The following CCT4 variants were observed in gnomAD, a reference collection of about 807,000 sequenced individuals.
CCT4 encodes the protein chaperonin containing TCP1 subunit 4, also known as T-complex protein 1 subunit delta.
Under a neutral mutation model 62.5 loss-of-function variants are expected in CCT4, and 17 were observed. The ratio of observed to expected loss-of-function variants is 0.27; its 90% confidence interval spans 0.19 to 0.41. The LOEUF (loss-of-function observed/expected upper bound fraction) is 0.41, where lower values mean the gene tolerates loss of function less well. Ranked by LOEUF, CCT4 falls within the 10% of genes least tolerant of loss-of-function variation. CCT4 has a pLI of 1.00. For synonymous variants in CCT4, 250 were observed against 229.9 expected (o/e 1.09, Z -0.79); for missense variants, 592 against 659.2 (o/e 0.90, Z 1.12).
intron 1 of CCT4, 131 bp downstream of exon 1, chr2:61,888,250 G>A: frequency 8.9e-7 from 1 of 1,117,662 alleles, no homozygotes; most frequent in East Asian, 2.7e-5. Context: ...CCCTCCACTG[G>A]GCTGCTTCTA....
chr2:61,876,716 G>A (rs1669009172), intron 7 of CCT4, among the ~76,000 whole-genome samples: 2 of 152,128 alleles, frequency 1.3e-5, no homozygotes, highest in African/African-American at 4.8e-5. Flanking sequence ...CGTTGCAAAT[G>A]GCTAGCTCTC....
intron 4 of CCT4, among the ~76,000 whole-genome samples, 175 bp from the exon 5 acceptor site, chr2:61,879,186 A>C (rs1669060766): frequency 6.6e-6 from 1 of 151,902 alleles, no homozygotes; most frequent in Non-Finnish European, 1.5e-5. Flanking sequence ...TATGGCTAAT[A>C]ATTTACTTCC....
chr2:61,878,773 CTT>C lies in CCT4; in HGVS notation c.522+94_522+95del, dbSNP rs1467857095. The C allele has an allele frequency of 7.6e-6, 6 of 792,380 alleles. No homozygotes were observed. In the East Asian group the frequency reaches 1.1e-4, roughly 14 times the overall value. The allele number at this position is 792,380 out of a possible 1,614,324, so 49.1% of individuals were successfully genotyped here. ...AGATTATAACAGTTACCTAGCCACT[CTT>C]GAGATTTAGTATTTATGTACCGTAT... On this transcript the variant is annotated intron_variant, in intron 5 of 13. Transcript: ENST00000394440.
intron 1 of CCT4, among the ~76,000 whole-genome samples, chr2:61,886,835 C>T (rs940661936): frequency 6.6e-6 from 1 of 152,084 alleles, no homozygotes; most frequent in East Asian, 1.9e-4. Context: ...CGTCAGTTCA[C>T]GGCAACCTCC....
At position 61,878,971 on chromosome 2, in the gene CCT4, G is replaced by A. The variant is rs11549869; in HGVS notation, c.420C>T (p.Ala140=). 1 of 1,609,600 alleles carries A rather than the reference G, an allele frequency of 6.2e-7. No homozygotes were observed. ...PTIISESFQK[A]LEKGIEILTD... ...TCAAGATTTCAATGCCCTTTTCCAGGGCCTTCTGGAATGACTCAGAAATGA... is the reference window on the plus strand; with the variant it reads ...TCAAGATTTCAATGCCCTTTTCCAGAGCCTTCTGGAATGACTCAGAAATGA... The change falls in exon 5 of 14, where the codon GCC becomes GCT. Residue 140 remains alanine, a synonymous_variant. Transcript: ENST00000394440.
rs140356041 is a variant in CCT4, at chr2:61,873,244, T to C, written c.967A>G (p.Met323Val). 2 of 1,543,864 alleles carry C rather than the reference T, an allele frequency of 1.3e-6. No individual in the cohort carries two copies. Among genetic ancestry groups the C allele is most frequent in the Non-Finnish European group, 1.8e-6 (2 of 1,116,714 alleles). Reference sequence around the variant, plus strand: ...TCTCTTTCAATATCCTTAATCACCATGATCTTCATTTTATTCAGAAAGTGT... The same window carrying C: ...TCTCTTTCAATATCCTTAATCACCACGATCTTCATTTTATTCAGAAAGTGT... ...ALHFLNKMKI[M>V]VIKDIEREDI... Residue 323 changes from methionine to valine, a missense_variant, in exon 9 of 14, where the codon ATG becomes GTG. Met to Val is a conservative substitution (Grantham distance 21). This residue lies in a region of CCT4 where 522 missense variants were observed against 571.2 expected (regional missense o/e 0.91). Transcript: ENST00000394440.
chr2:61,874,672 T>C (rs570608179), intron 8 of CCT4, among the ~76,000 whole-genome samples: 2 of 151,882 alleles, frequency 1.3e-5, no homozygotes, highest in South Asian at 2.1e-4. Flanking sequence ...TTTTCATCTA[T>C]GGACTATGCA....
rs2105130863 is a variant in CCT4, at chr2:61,876,106, T to C, written c.906A>G (p.Lys302=). ...KTGCNVLLIQ[K]SILRDALSDL... Reference sequence around the variant, plus strand: ...AAATAGCCCCACACCTTAGAATAGATTTCTGTATGAGAAGGACATTACATC... The same window carrying C: ...AAATAGCCCCACACCTTAGAATAGACTTCTGTATGAGAAGGACATTACATC... Residue 302 remains lysine, a synonymous_variant, in exon 8 of 14, where the codon AAA becomes AAG. Coordinates refer to ENST00000394440, the MANE Select transcript of CCT4 (RefSeq NM_006430.4). 2 of 1,603,298 alleles carry C rather than the reference T, an allele frequency of 1.2e-6. No homozygotes were observed. The highest frequency in any genetic ancestry group is 1.7e-6 in the Non-Finnish European group (2 of 1,171,460).
Position 61,869,487 on chromosome 2 carries a change from T to A in CCT4, c.1558A>T (p.Thr520Ser), listed in dbSNP as rs1668840526. 6.2e-7 allele frequency: 1 copy of A among 1,612,624 alleles called. No individual in the cohort carries two copies. Among genetic ancestry groups the A allele is most frequent in the African/African-American group, 1.3e-5 (1 of 74,832 alleles). Residue 520 changes from threonine to serine, a missense_variant, in exon 13 of 14, where the codon ACT (threonine) becomes TCT (serine). Thr to Ser is a moderately conservative substitution (Grantham distance 58). This residue lies in a region of CCT4 where 522 missense variants were observed against 571.2 expected (regional missense o/e 0.91). Coordinates refer to ENST00000394440, the MANE Select transcript of CCT4 (RefSeq NM_006430.4). ...CTCCGAACAGTTTCAGTTGCAAGAG[T>A]CAGAGCACTGACTGATACCAACAGA... ...QPLLVSVSAL[T>S]LATETVRSIL...
intron 4 of CCT4, among the ~76,000 whole-genome samples, chr2:61,879,903 TGTATTTA>T (rs1669077242): frequency 6.6e-6 from 1 of 151,992 alleles, no homozygotes; most frequent in Non-Finnish European, 1.5e-5. Flanking sequence ...GCTAATTTTT[TGTATTTA>T]GTAAAGACTG....
Position 61,888,536 on chromosome 2 carries a change from C to G in CCT4, c.-29G>C, listed in dbSNP as rs1208473300. 2 of 1,602,070 alleles carry G rather than the reference C, an allele frequency of 1.2e-6. No individual in the cohort carries two copies. The highest frequency in any genetic ancestry group is 1.7e-5 in the Admixed American group (1 of 59,228). On this transcript the variant is annotated 5_prime_UTR_variant, in exon 1 of 14. Transcript: ENST00000394440. ...AAACTCCGCTGTGTCTGGGTTGGCT[C>G]GGGAAGGACGGATGGACCCGGATTC... is the stretch of plus-strand genomic sequence containing the variant.
chr2:61,868,865 G>A (rs929684136), intron 13 of CCT4, 159 bp from the exon 14 acceptor site: 18 of 603,038 alleles, frequency 3.0e-5, no homozygotes, highest in African/African-American at 5.5e-5. Context: ...GGCCAGGCAC[G>A]GTGGCTCATG....
At chr2:61,872,691 G>A in intron 10 of CCT4, 103 bp from the exon 11 acceptor site, 1 of 1,155,702 alleles carries the variant, frequency 8.7e-7, no homozygotes, top group Non-Finnish European at 1.2e-6. Context: ...ACTTTGGGAG[G>A]ATGAGGCGGG....
At chr2:61,874,875 T>C (rs1213063834) in intron 8 of CCT4, among the ~76,000 whole-genome samples, 1 of 152,194 alleles carries the variant, frequency 6.6e-6, no homozygotes, top group Admixed American at 6.5e-5. Context: ...CCGGGCGTGG[T>C]GGCTCATGCC....
intron 8 of CCT4, among the ~76,000 whole-genome samples, chr2:61,873,669 G>A (rs1467872175): frequency 2.6e-5 from 4 of 152,072 alleles, no homozygotes; most frequent in African/African-American, 7.2e-5. Flanking sequence ...GGGTTCAAGC[G>A]ATTCTCCTGC....
chr2:61,883,808 ACACACAC>A (rs1364680446), intron 2 of CCT4, among the ~76,000 whole-genome samples: 1 of 151,238 alleles, frequency 6.6e-6, no homozygotes, highest in Non-Finnish European at 1.5e-5. Flanking sequence ...ACACACACAC[ACACACAC>A]AAAAGGAAAA....
Position 61,878,934 on chromosome 2 carries a change from G to C in CCT4, c.457C>G (p.Arg153Gly), listed in dbSNP as rs755552843. 1 of 1,609,386 alleles carries C rather than the reference G, an allele frequency of 6.2e-7. No individual in the cohort carries two copies. The highest frequency in any genetic ancestry group is 8.5e-7 in the Non-Finnish European group (1 of 1,176,168). Reference sequence around the variant, plus strand: ...TCTCTGTCACTCAGTTCCACAGGTCGAGACATGTCAGTCAAGATTTCAATG... The same window carrying C: ...TCTCTGTCACTCAGTTCCACAGGTCCAGACATGTCAGTCAAGATTTCAATG... Reference protein sequence around the residue: ...KGIEILTDMSRPVELSDRETL... With the variant: ...KGIEILTDMSGPVELSDRETL... Residue 153 changes from arginine (R) to glycine (G), a missense_variant, in exon 5 of 14, where the codon CGA becomes GGA. Arg to Gly is a moderately radical substitution (Grantham distance 125). Coordinates refer to ENST00000394440, the MANE Select transcript of CCT4 (RefSeq NM_006430.4).
chr2:61,884,369 T>C (rs1241199167), intron 2 of CCT4, among the ~76,000 whole-genome samples: 4 of 152,164 alleles, frequency 2.6e-5, no homozygotes, highest in Non-Finnish European at 5.9e-5. Context: ...AGCTGCGCGA[T>C]CTCGGCTCAC....
intron 12 of CCT4, among the ~76,000 whole-genome samples, chr2:61,871,337 C>T (rs1273689328): frequency 6.6e-6 from 1 of 152,130 alleles, no homozygotes; most frequent in Non-Finnish European, 1.5e-5. Flanking sequence ...CACGTCAGGC[C>T]TATTAATAAT....
Sources: gnomAD v4.1 joint callset for allele counts (sites outside exome capture counted in the v4.1 genomes callset) on GRCh38, gnomAD v4.1.1 for gene constraint, gnomAD v4.1.1 regional missense constraint, MANE v1.5 for transcripts, NCBI Gene and HGNC (gene_info 2026-07-23, HGNC 2026-07-21) for gene names.